The following GRIN2B variants were observed in gnomAD, a reference collection of about 807,000 sequenced individuals.
The protein encoded by GRIN2B is glutamate ionotropic receptor NMDA type subunit 2B.
GRIN2B carries 5 observed loss-of-function variants against 114.5 expected under a neutral mutation model. The observed-to-expected ratio is 0.04, with a 90% confidence interval of 0.02 to 0.09. GRIN2B has a LOEUF of 0.09. Among genes scored for constraint, GRIN2B ranks in the 10% least tolerant of loss-of-function variants. The pLI is 1.00. For missense variants in GRIN2B, 1,108 were observed against 1,943.5 expected (o/e 0.57, Z 8.08); for synonymous variants, 787 against 745.1 (o/e 1.06, Z -0.92).
At chr12:13,920,142 T>C (rs1866798145) in intron 2 of GRIN2B, among the ~76,000 whole-genome samples, 1 of 151,180 alleles carries the variant, frequency 6.6e-6, no homozygotes, top group African/African-American at 2.4e-5. Flanking sequence ...CTTACACCTG[T>C]AATCCCAACT....
chr12:13,703,853 C>G (rs1950334337), intron 4 of GRIN2B, among the ~76,000 whole-genome samples: 1 of 152,186 alleles, frequency 6.6e-6, no homozygotes, highest in Non-Finnish European at 1.5e-5. Flanking sequence ...AAAATACATA[C>G]AGCAAATGTA....
At chr12:13,648,271 G>A (rs536286269) in intron 5 of GRIN2B, among the ~76,000 whole-genome samples, 1 of 152,146 alleles carries the variant, frequency 6.6e-6, no homozygotes, top group Non-Finnish European at 1.5e-5. Context: ...GCCAGGCCCA[G>A]GGCTGAGTGC....
Position 13,557,256 on chromosome 12 carries a change from C to T in GRIN2B, c.*5527G>A, listed in dbSNP as rs889205548. On this transcript the variant is annotated 3_prime_UTR_variant, in exon 14 of 14. Transcript: ENST00000609686. ...AGACATTCTCAGACTGACTAATCTG[C>T]CATTTTAGTGTCATCCCAAACATCT... 1.4e-4 allele frequency: 21 copies of T among 152,128 alleles called. No homozygotes were observed. The highest frequency in any genetic ancestry group is 4.8e-4 in the African/African-American group (20 of 41,414). The allele number at this position is 152,128 out of a possible 1,614,324, so 9.4% of individuals were successfully genotyped here.
At chr12:13,745,371 C>T (rs1863361366) in intron 4 of GRIN2B, among the ~76,000 whole-genome samples, 1 of 152,204 alleles carries the variant, frequency 6.6e-6, no homozygotes, top group South Asian at 2.1e-4. Flanking sequence ...TTCCCATTAA[C>T]TGTGAATTTG....
rs116296979 is a variant in GRIN2B, at chr12:13,911,514, T to G, written c.-18-45288A>C. Among the ~76,000 whole-genome samples, 913 of 152,328 alleles carry G rather than the reference T, an allele frequency of 6.0e-3. 12 individuals carry two copies. The highest frequency in any genetic ancestry group is 0.021 in the African/African-American group (881 of 41,576). On this transcript the variant is annotated intron_variant, in intron 2 of 13. Coordinates refer to ENST00000609686, the MANE Select transcript of GRIN2B (RefSeq NM_000834.5). Reference sequence around the variant, plus strand: ...TCAATACTCATTATTCTTCACATACTTCTCCTTGGCTACCTGTTTACCCCA... The same window carrying G: ...TCAATACTCATTATTCTTCACATACGTCTCCTTGGCTACCTGTTTACCCCA...
chr12:13,913,278 C>G (rs1866655167), intron 2 of GRIN2B, among the ~76,000 whole-genome samples: 1 of 152,172 alleles, frequency 6.6e-6, no homozygotes, highest in African/African-American at 2.4e-5. Context: ...CCATTCAACA[C>G]CCCTGATGCC....
chr12:13,899,149 T>C (rs1290709828), intron 2 of GRIN2B, among the ~76,000 whole-genome samples: 1 of 152,158 alleles, frequency 6.6e-6, no homozygotes, highest in African/African-American at 2.4e-5. Flanking sequence ...AAATATATTA[T>C]GAAAGATTTG....
chr12:13,784,909 T>C (rs1178341353), intron 3 of GRIN2B, among the ~76,000 whole-genome samples: 1 of 152,236 alleles, frequency 6.6e-6, no homozygotes, highest in African/African-American at 2.4e-5. Flanking sequence ...AGAGGAACTA[T>C]CCAGTTGACT....
intron 4 of GRIN2B, among the ~76,000 whole-genome samples, chr12:13,690,846 A>C (rs1000120930): frequency 6.6e-6 from 1 of 152,176 alleles, no homozygotes; most frequent in Non-Finnish European, 1.5e-5. Context: ...CATTGGGGGA[A>C]TCTGAAATAT....
In GRIN2B at chr12:13,561,005, G is replaced by C. The variant is rs1948535795; in HGVS notation, c.*1778C>G. 1 of 152,132 alleles carries C rather than the reference G, an allele frequency of 6.6e-6. No individual in the cohort carries two copies. The highest frequency in any genetic ancestry group is 6.5e-5 in the Admixed American group (1 of 15,280). The allele number at this position is 152,132 out of a possible 1,614,324, so 9.4% of individuals were successfully genotyped here. ...AGTCAAGCTTCCACACAGACCTGGG[G>C]CTCTCTGGATGCCACCCTGTGTAGG... On this transcript the variant is annotated 3_prime_UTR_variant, in exon 14 of 14. Coordinates refer to ENST00000609686, the MANE Select transcript of GRIN2B (RefSeq NM_000834.5).
intron 3 of GRIN2B, among the ~76,000 whole-genome samples, chr12:13,828,956 T>G (rs1157424262): frequency 2.0e-5 from 3 of 152,194 alleles, no homozygotes; most frequent in Non-Finnish European, 4.4e-5. Context: ...TGACCTTGAT[T>G]TCTATCAATC....
intron 3 of GRIN2B, among the ~76,000 whole-genome samples, chr12:13,784,613 G>A (rs943379368): frequency 2.0e-5 from 3 of 152,184 alleles, no homozygotes; most frequent in African/African-American, 7.2e-5. Context: ...TGGCCAATAT[G>A]ATGTGATAGA....
At chr12:13,879,518 TAA>T (rs55823008) in intron 2 of GRIN2B, among the ~76,000 whole-genome samples, 24 of 139,802 alleles carry the variant, frequency 1.7e-4, no homozygotes, top group African/African-American at 4.9e-4. Flanking sequence ...TTAGAATTAG[TAA>T]AAAAAAAAAA....
chr12:13,646,717 C>G (rs187705199), intron 5 of GRIN2B, among the ~76,000 whole-genome samples: 1 of 151,922 alleles, frequency 6.6e-6, no homozygotes, highest in East Asian at 1.9e-4. Flanking sequence ...TTTTTAGAGA[C>G]AGGGTTTCAC....
chr12:13,744,394 G>A (rs1288420298), intron 4 of GRIN2B, among the ~76,000 whole-genome samples: 4 of 152,294 alleles, frequency 2.6e-5, no homozygotes, highest in Admixed American at 1.3e-4. Context: ...CTGTCTGGAT[G>A]AGGAATACAT....
intron 2 of GRIN2B, among the ~76,000 whole-genome samples, chr12:13,956,213 G>C (rs756046541): frequency 1.3e-5 from 2 of 152,150 alleles, no homozygotes; most frequent in Non-Finnish European, 2.9e-5. Flanking sequence ...GAATGAGCTG[G>C]AGCAGAAAGA....
intron 3 of GRIN2B, among the ~76,000 whole-genome samples, chr12:13,771,009 G>T (rs1349780901): frequency 6.6e-6 from 1 of 152,134 alleles, no homozygotes; most frequent in African/African-American, 2.4e-5. Flanking sequence ...ATATGGTTTG[G>T]CTCTGTCCCC....
At position 13,551,678 on chromosome 12, in the gene GRIN2B, A is replaced by G. The variant is rs377094294; in HGVS notation, c.*11105T>C. The G allele has an allele frequency of 1.3e-5, 2 of 152,324 alleles. No homozygotes were observed. Among genetic ancestry groups the G allele is most frequent in the South Asian group, 2.1e-4 (1 of 4,826 alleles). The allele number at this position is 152,324 out of a possible 1,614,324, so 9.4% of individuals were successfully genotyped here. A position where few individuals can be genotyped will look rare whatever the true frequency, so the allele number is the denominator to read the frequency against. ...TTGTGTGTGTGCATTAGGGAGGTAC[A>G]TAGGCATCAGAATGCTCATGGCAAA... is the stretch of plus-strand genomic sequence containing the variant. On this transcript the variant is annotated 3_prime_UTR_variant, in exon 14 of 14. Coordinates refer to ENST00000609686, the MANE Select transcript of GRIN2B (RefSeq NM_000834.5).
In GRIN2B at chr12:13,611,647, A is replaced by G. The variant is rs3026175; in HGVS notation, c.1780+78T>C. The G allele has an allele frequency of 6.5e-3, 8,834 of 1,366,230 alleles. 477 individuals carry two copies. In the African/African-American group the frequency reaches 0.11, roughly 17 times the overall value. 84.6% of individuals were successfully genotyped at this position (1,366,230 alleles called of 1,614,324 possible). Reference sequence around the variant, plus strand: ...AATGGATATGCTAGGGAAAATGCAGATAACAAATGAGGAGTCCAGAGATTT... The same window carrying G: ...AATGGATATGCTAGGGAAAATGCAGGTAACAAATGAGGAGTCCAGAGATTT... On this transcript the variant is annotated intron_variant, in intron 9 of 13. Coordinates refer to ENST00000609686, the MANE Select transcript of GRIN2B (RefSeq NM_000834.5).
Sources: gnomAD v4.1 joint callset for allele counts (sites outside exome capture counted in the v4.1 genomes callset) on GRCh38, gnomAD v4.1.1 for gene constraint, MANE v1.5 for transcripts, NCBI Gene and HGNC (gene_info 2026-07-23, HGNC 2026-07-21) for gene names.